The following DPY19L3 variants were observed in gnomAD, a reference collection of about 807,000 sequenced individuals.
DPY19L3 encodes the protein dpy-19 like C-mannosyltransferase 3.
In DPY19L3, 51 loss-of-function variants were observed where a neutral mutation model predicts 92.3. That is an observed-to-expected ratio of 0.55 (90% CI 0.44 to 0.70). The LOEUF (loss-of-function observed/expected upper bound fraction) is 0.70. Among genes scored for constraint, DPY19L3 ranks in the 30% least tolerant of loss-of-function variants. The probability of loss-of-function intolerance (pLI) is 0.00; values close to 1 mark genes in which losing one functional copy is unlikely to be tolerated. For missense variants in DPY19L3, 706 were observed against 855.9 expected (o/e 0.82, Z 2.18); for synonymous variants, 309 against 315.2 (o/e 0.98, Z 0.21).
At chr19:32,475,512 TGA>T (rs1970480071) in intron 16 of DPY19L3, among the ~76,000 whole-genome samples, 1 of 152,226 alleles carries the variant, frequency 6.6e-6, no homozygotes, top group South Asian at 2.1e-4. Context: ...TCATGCCAGT[TGA>T]GAGTATTCAA....
intron 12 of DPY19L3, among the ~76,000 whole-genome samples, chr19:32,459,220 A>G (rs1969963560): frequency 6.6e-6 from 1 of 152,256 alleles, no homozygotes; most frequent in Admixed American, 6.5e-5. Context: ...AAAACTTGTA[A>G]GAATATCTAC....
intron 16 of DPY19L3, among the ~76,000 whole-genome samples, chr19:32,470,696 G>A (rs1370528265): frequency 6.6e-6 from 1 of 151,756 alleles, no homozygotes; most frequent in Non-Finnish European, 1.5e-5. Flanking sequence ...TCCCTCGTTT[G>A]GGAGGTGATG....
At chr19:32,436,035 C>T (rs1210969576) in intron 4 of DPY19L3, among the ~76,000 whole-genome samples, 1 of 152,246 alleles carries the variant, frequency 6.6e-6, no homozygotes, top group Non-Finnish European at 1.5e-5. Context: ...CATCCACTTA[C>T]ATGCCACTGG....
chr19:32,461,074 C>T (rs1375999464), intron 12 of DPY19L3, among the ~76,000 whole-genome samples: 2 of 152,184 alleles, frequency 1.3e-5, no homozygotes, highest in Admixed American at 6.5e-5. Flanking sequence ...CCATGTTGGC[C>T]AGGCTGGTGT....
At chr19:32,456,079 CTTTTTT>C (rs899726982) in intron 10 of DPY19L3, among the ~76,000 whole-genome samples, 1 of 103,402 alleles carries the variant, frequency 9.7e-6, no homozygotes, top group Non-Finnish European at 1.9e-5. Context: ...TCACTATGTT[CTTTTTT>C]TTTTTTTTTT....
At chr19:32,434,202 G>A (rs1318930300) in intron 4 of DPY19L3, among the ~76,000 whole-genome samples, 1 of 152,132 alleles carries the variant, frequency 6.6e-6, no homozygotes, top group East Asian at 1.9e-4. Flanking sequence ...CACGTCCAGA[G>A]CAACAGAATA....
chr19:32,477,981 C>G (rs886089032), intron 17 of DPY19L3, among the ~76,000 whole-genome samples: 5 of 152,158 alleles, frequency 3.3e-5, no homozygotes, highest in African/African-American at 1.2e-4. Context: ...ATAAAACCAT[C>G]AGATCTCATG....
intron 2 of DPY19L3, among the ~76,000 whole-genome samples, chr19:32,410,526 C>G (rs1000116439): frequency 1.3e-5 from 2 of 152,074 alleles, no homozygotes; most frequent in South Asian, 4.2e-4. Flanking sequence ...TGCCCGTAAT[C>G]CCAGCACTTT....
In DPY19L3 at chr19:32,464,268, G is replaced by A. The variant is rs144588017; in HGVS notation, c.1557+288G>A. Among the ~76,000 whole-genome samples the A allele has an allele frequency of 4.2e-3, 637 of 151,970 alleles. 3 individuals carry two copies. Among genetic ancestry groups the A allele is most frequent in the African/African-American group, 0.013 (518 of 41,436 alleles). The stretch of plus-strand genomic sequence containing the variant: ...AAAATTACCAATAATCCCCTTGTCC[G>A]GAATTATAACTGTTGTTATTATAAT... On this transcript the variant is annotated intron_variant, in intron 14 of 18. Transcript: ENST00000392250.
chr19:32,441,031 C>T (rs545237712), intron 8 of DPY19L3, among the ~76,000 whole-genome samples: 19 of 152,196 alleles, frequency 1.2e-4, no homozygotes, highest in Admixed American at 6.5e-4. Flanking sequence ...GCAGGTGTGC[C>T]AGTGACCACT....
intron 16 of DPY19L3, among the ~76,000 whole-genome samples, chr19:32,469,904 C>T (rs1970306565): frequency 6.6e-6 from 1 of 152,212 alleles, no homozygotes; most frequent in African/African-American, 2.4e-5. Flanking sequence ...TAATTATTCA[C>T]ATGTAAATAG....
intron 17 of DPY19L3, among the ~76,000 whole-genome samples, chr19:32,479,874 G>A (rs991111677): frequency 8.5e-5 from 13 of 152,164 alleles, no homozygotes; most frequent in Admixed American, 3.3e-4. Flanking sequence ...GCTGAGATGC[G>A]GAGTAGCAGG....
At chr19:32,434,415 G>T (rs1969069827) in intron 4 of DPY19L3, among the ~76,000 whole-genome samples, 1 of 152,342 alleles carries the variant, frequency 6.6e-6, no homozygotes, top group African/African-American at 2.4e-5. Context: ...CCAGCACTTT[G>T]GGAGGCCGAG....
At chr19:32,455,301 A>G (rs1330174239) in intron 10 of DPY19L3, among the ~76,000 whole-genome samples, 4 of 152,132 alleles carry the variant, frequency 2.6e-5, no homozygotes, top group African/African-American at 9.7e-5. Flanking sequence ...TGCTTTATAA[A>G]GTGTATTAAC....
At chr19:32,478,385 G>A (rs185951677) in intron 17 of DPY19L3, among the ~76,000 whole-genome samples, 16 of 152,352 alleles carry the variant, frequency 1.1e-4, no homozygotes, top group South Asian at 4.1e-4. Flanking sequence ...AGGAAAAGGC[G>A]TTGAGGCATA....
rs1414497949 is a variant in DPY19L3, at chr19:32,484,662, G to A, written c.*2422G>A. On this transcript the variant is annotated 3_prime_UTR_variant, in exon 19 of 19. Transcript: ENST00000392250. Reference sequence around the variant, plus strand: ...AGCCACCTGCCACAGCACAGCTGGAGGCTGTTCTCTGGTGTTCTCAGCGCT... The same window carrying A: ...AGCCACCTGCCACAGCACAGCTGGAAGCTGTTCTCTGGTGTTCTCAGCGCT... 1 of 152,142 alleles carries A rather than the reference G, an allele frequency of 6.6e-6. No homozygotes were observed. Among genetic ancestry groups the A allele is most frequent in the East Asian group, 1.9e-4 (1 of 5,186 alleles). The allele number at this position is 152,142 out of a possible 1,614,324, so 9.4% of individuals were successfully genotyped here. A position where few individuals can be genotyped will look rare whatever the true frequency, so the allele number is the denominator to read the frequency against.
chr19:32,429,126 C>T (rs915539721), intron 3 of DPY19L3, among the ~76,000 whole-genome samples: 1 of 152,178 alleles, frequency 6.6e-6, no homozygotes, highest in African/African-American at 2.4e-5. Flanking sequence ...GGATTACAGG[C>T]GTGAGCCACC....
chr19:32,408,271 A>G lies in DPY19L3; in HGVS notation c.18A>G (p.Gln6=), dbSNP rs766874594. The change falls in exon 2 of 19, where the codon CAA becomes CAG. Residue 6 remains glutamine, a synonymous_variant. Coordinates refer to ENST00000392250, the MANE Select transcript of DPY19L3 (RefSeq NM_001172774.2). MMSIR[Q]RREIRATEVS... Reference sequence around the variant, plus strand: ...CTGACATCATGATGTCCATCCGGCAAAGAAGAGAAATAAGAGCCACAGAAG... The same window carrying G: ...CTGACATCATGATGTCCATCCGGCAGAGAAGAGAAATAAGAGCCACAGAAG... The G allele has an allele frequency of 2.5e-6, 4 of 1,612,984 alleles. No individual in the cohort carries two copies. Among genetic ancestry groups the G allele is most frequent in the South Asian group, 1.1e-5 (1 of 90,900 alleles).
chr19:32,467,218 A>G (rs984623367), intron 15 of DPY19L3, among the ~76,000 whole-genome samples: 1 of 152,212 alleles, frequency 6.6e-6, no homozygotes, highest in African/African-American at 2.4e-5. Flanking sequence ...TCATATTGTT[A>G]AAGGAGTTTG....
Sources: gnomAD v4.1 joint callset for allele counts (sites outside exome capture counted in the v4.1 genomes callset) on GRCh38, gnomAD v4.1.1 for gene constraint, MANE v1.5 for transcripts, NCBI Gene and HGNC (gene_info 2026-07-23, HGNC 2026-07-21) for gene names.